The following GPC5 variants were observed in gnomAD, a reference collection of about 807,000 sequenced individuals.
The protein encoded by GPC5 is glypican-5.
GPC5 carries 47 observed loss-of-function variants against 53.9 expected under a neutral mutation model. The ratio of observed to expected loss-of-function variants is 0.87; its 90% CI spans 0.69 to 1.11. The LOEUF (loss-of-function observed/expected upper bound fraction) is 1.11. GPC5 is among the 50% of genes most tolerant of loss of function. The pLI, the probability that GPC5 is intolerant of heterozygous loss-of-function variation, is 0.00. For missense variants in GPC5, 748 were observed against 713.1 expected (o/e 1.05, Z -0.56); for synonymous variants, 286 against 263.3 (o/e 1.09, Z -0.84).
intron 2 of GPC5, among the ~76,000 whole-genome samples, chr13:91,474,473 G>A (rs1882812957): frequency 6.6e-6 from 1 of 151,960 alleles, no homozygotes; most frequent in African/African-American, 2.4e-5. Flanking sequence ...TTCTTCCTTT[G>A]CAGTTGAACT....
At chr13:91,471,839 A>G (rs1882653890) in intron 2 of GPC5, among the ~76,000 whole-genome samples, 1 of 152,092 alleles carries the variant, frequency 6.6e-6, no homozygotes, top group African/African-American at 2.4e-5. Context: ...GTTACCGAGC[A>G]GCCTCTTGAT....
At chr13:92,437,934 G>T (rs1450834792) in intron 7 of GPC5, among the ~76,000 whole-genome samples, 1 of 152,050 alleles carries the variant, frequency 6.6e-6, no homozygotes, top group East Asian at 1.9e-4. Context: ...GAATTACAGT[G>T]GGCCCACATG....
intron 2 of GPC5, among the ~76,000 whole-genome samples, chr13:91,630,396 G>T (rs751327055): frequency 1.3e-5 from 2 of 152,034 alleles, no homozygotes; most frequent in African/African-American, 4.8e-5. Flanking sequence ...AAATAATACC[G>T]TCTTATTTTT....
rs562567840 is a variant in GPC5 at position 92,510,940 on chromosome 13, G to A, written c.1562-355342G>A. ...AATGGAATGAAGTGAGGGAGGATAAGATCAGGCTATGATGTGTGGGCCTTT... is the reference window on the plus strand; with the variant it reads ...AATGGAATGAAGTGAGGGAGGATAAAATCAGGCTATGATGTGTGGGCCTTT... On this transcript the variant is annotated intron_variant, in intron 7 of 7. Transcript: ENST00000377067. Among the ~76,000 whole-genome samples, 13 of 152,304 alleles carry A rather than the reference G, an allele frequency of 8.5e-5. 1 individual carries two copies. The highest frequency in any genetic ancestry group is 3.1e-4 in the African/African-American group (13 of 41,556).
chr13:92,348,026 A>AT (rs2043441709), intron 7 of GPC5, among the ~76,000 whole-genome samples: 1 of 109,092 alleles, frequency 9.2e-6, no homozygotes, highest in East Asian at 2.4e-4. Flanking sequence ...TAAAAAAAAA[A>AT]AAATCAATAC....
chr13:92,014,386 C>A (rs1394554809), intron 6 of GPC5, among the ~76,000 whole-genome samples: 1 of 152,156 alleles, frequency 6.6e-6, no homozygotes, highest in Non-Finnish European at 1.5e-5. Flanking sequence ...CTTCAGCCTG[C>A]CCACGTTGTT....
intron 4 of GPC5, among the ~76,000 whole-genome samples, chr13:91,740,174 G>A (rs1268168500): frequency 6.6e-6 from 1 of 152,116 alleles, no homozygotes. Flanking sequence ...TACTGTCTTA[G>A]GCACTGCTTC....
At chr13:91,784,726 GA>G (rs10644468) in intron 5 of GPC5, among the ~76,000 whole-genome samples, 20 of 143,574 alleles carry the variant, frequency 1.4e-4, no homozygotes, top group South Asian at 6.6e-4. Flanking sequence ...CTCCATCTCA[GA>G]AAAAAAAAAA....
intron 7 of GPC5, among the ~76,000 whole-genome samples, chr13:92,313,036 A>G (rs1047183603): frequency 2.6e-4 from 40 of 152,216 alleles, no homozygotes; most frequent in African/African-American, 9.6e-4. Flanking sequence ...AATGATGGGG[A>G]TCACCTACTT....
At chr13:91,689,627 T>C (rs1046716396) in intron 2 of GPC5, among the ~76,000 whole-genome samples, 1 of 151,696 alleles carries the variant, frequency 6.6e-6, no homozygotes, top group Non-Finnish European at 1.5e-5. Context: ...TATTTATTTA[T>C]TTTTTTACTT....
intron 2 of GPC5, among the ~76,000 whole-genome samples, chr13:91,506,350 CT>C (rs1280364450): frequency 2.0e-5 from 3 of 152,112 alleles, no homozygotes; most frequent in Admixed American, 1.3e-4. Context: ...GTTTCATCGC[CT>C]TTATTGAATA....
At chr13:91,558,921 A>G (rs946033863) in intron 2 of GPC5, among the ~76,000 whole-genome samples, 4 of 151,958 alleles carry the variant, frequency 2.6e-5, no homozygotes, top group African/African-American at 7.3e-5. Context: ...CACTATTGGT[A>G]TATTTTTAGA....
chr13:92,208,176 T>C (rs1031518041), intron 7 of GPC5, among the ~76,000 whole-genome samples: 1 of 152,222 alleles, frequency 6.6e-6, no homozygotes, highest in Admixed American at 6.5e-5. Flanking sequence ...AAAGGTCCAC[T>C]TCCTGGTTCC....
intron 6 of GPC5, among the ~76,000 whole-genome samples, chr13:92,121,672 T>C (rs1382727569): frequency 3.9e-5 from 6 of 152,086 alleles, no homozygotes; most frequent in Non-Finnish European, 8.8e-5. Context: ...GTACTCAGAG[T>C]GGAGGGTCTC....
rs960199736 is a variant in GPC5, at chr13:92,286,764, G to A, written c.1561+141775G>A. Among the ~76,000 whole-genome samples, 9 of 151,764 alleles carry A rather than the reference G, an allele frequency of 5.9e-5. No individual in the cohort carries two copies. The East Asian group carries it at 1.8e-3, about 30-fold the overall frequency. ...GTTGGGGGAGGGGGGAGGGATAGCA[G>A]TAGGAGAGATACCTAATGTAAATGA... On this transcript the variant is annotated intron_variant, in intron 7 of 7. Transcript: ENST00000377067.
At chr13:91,800,910 T>C (rs2038124647) in intron 5 of GPC5, among the ~76,000 whole-genome samples, 1 of 152,158 alleles carries the variant, frequency 6.6e-6, no homozygotes, top group African/African-American at 2.4e-5. Context: ...CTGGTGTATC[T>C]TGAGATCTTA....
At chr13:92,038,357 TA>T (rs1302398879) in intron 6 of GPC5, among the ~76,000 whole-genome samples, 1 of 18,108 alleles carries the variant, frequency 5.5e-5, no homozygotes, top group African/African-American at 2.3e-4. Flanking sequence ...GCTAGATAGA[TA>T]GATAGATAGA....
At chr13:91,585,057 A>G (rs886287418) in intron 2 of GPC5, among the ~76,000 whole-genome samples, 43 of 152,350 alleles carry the variant, frequency 2.8e-4, no homozygotes, top group African/African-American at 1.0e-3. Context: ...GGCATTCTAC[A>G]AAATAGGATA....
At chr13:92,415,054 G>A (rs540750877) in intron 7 of GPC5, among the ~76,000 whole-genome samples, 10 of 152,272 alleles carry the variant, frequency 6.6e-5, no homozygotes, top group South Asian at 4.1e-4. Flanking sequence ...GAGGAGAAGC[G>A]TGCACCTGTT....
Sources: allele counts gnomAD v4.1 joint callset (sites outside exome capture counted in the v4.1 genomes callset), GRCh38; gene constraint gnomAD v4.1.1; transcripts MANE v1.5; gene names NCBI Gene and HGNC (gene_info 2026-07-23, HGNC 2026-07-21).